The following PXDNL variants were observed in gnomAD, a reference collection of about 807,000 sequenced individuals.
The protein encoded by PXDNL is peroxidasin like, also known as probable oxidoreductase PXDNL.
Under a neutral mutation model 150.8 loss-of-function variants are expected in PXDNL, and 145 were observed. That is an observed-to-expected ratio of 0.96 (90% CI 0.84 to 1.10). PXDNL has a LOEUF of 1.10. Ranked by LOEUF, PXDNL falls within the 50% of genes least tolerant of loss-of-function variation. PXDNL has a pLI of 0.00. For missense variants in PXDNL, 2,087 were observed against 1,873.9 expected (o/e 1.11, Z -2.10); for synonymous variants, 757 against 725.7 (o/e 1.04, Z -0.69).
At chr8:51,416,350 T>C (rs1295617199) in intron 14 of PXDNL, among the ~76,000 whole-genome samples, 1 of 152,220 alleles carries the variant, frequency 6.6e-6, no homozygotes, top group Non-Finnish European at 1.5e-5. Context: ...GAAACCATCA[T>C]TTAATATGTG....
chr8:51,675,925 A>G lies in PXDNL; in HGVS notation c.165-21165T>C, dbSNP rs554601379. Among the ~76,000 whole-genome samples the G allele has an allele frequency of 7.2e-5, 11 of 152,302 alleles. No individual in the cohort carries two copies. The South Asian group carries it at 2.3e-3, about 32-fold the overall frequency. Reference sequence around the variant, plus strand: ...TCAATATAGAAAGCAGACTTTCTAAAAGTCACGTATATAGATTCATAACCC... The same window carrying G: ...TCAATATAGAAAGCAGACTTTCTAAGAGTCACGTATATAGATTCATAACCC... On this transcript the variant is annotated intron_variant, in intron 1 of 22. Transcript: ENST00000356297.
chr8:51,382,392 C>T (rs1449045723), intron 17 of PXDNL, among the ~76,000 whole-genome samples: 3 of 152,114 alleles, frequency 2.0e-5, no homozygotes, highest in South Asian at 4.1e-4. Flanking sequence ...TGTCTTAAGC[C>T]ACCCAGTGTG....
chr8:51,728,691 A>G (rs4549760), intron 1 of PXDNL, among the ~76,000 whole-genome samples: 148,049 of 152,290 alleles, frequency 0.97, 72,098 homozygotes, highest in East Asian at 1. Flanking sequence ...TTTAAGCTGA[A>G]TGTTATTATA....
intron 21 of PXDNL, among the ~76,000 whole-genome samples, chr8:51,330,588 G>A (rs955824945): frequency 1.3e-5 from 2 of 152,102 alleles, no homozygotes; most frequent in African/African-American, 4.8e-5. Flanking sequence ...GTGCCAGCAG[G>A]GTTGATTTCT....
At chr8:51,696,428 C>G (rs911205617) in intron 1 of PXDNL, among the ~76,000 whole-genome samples, 3 of 152,312 alleles carry the variant, frequency 2.0e-5, no homozygotes, top group African/African-American at 7.2e-5. Flanking sequence ...AAACTCCCAG[C>G]CTCCAGAACG....
intron 1 of PXDNL, among the ~76,000 whole-genome samples, chr8:51,673,459 ATATACT>A (rs956287599): frequency 2.6e-5 from 4 of 152,202 alleles, no homozygotes; most frequent in East Asian, 1.9e-4. Flanking sequence ...ACAATAAAAA[ATATACT>A]TATAGGCTTC....
chr8:51,680,660 G>A (rs1313295454), intron 1 of PXDNL, among the ~76,000 whole-genome samples: 2 of 152,126 alleles, frequency 1.3e-5, no homozygotes, highest in South Asian at 4.1e-4. Flanking sequence ...ACGGAGGTGC[G>A]AGGCCACAGC....
chr8:51,615,203 C>T (rs1048442474), intron 2 of PXDNL, among the ~76,000 whole-genome samples: 2 of 152,046 alleles, frequency 1.3e-5, no homozygotes, highest in African/African-American at 2.4e-5. Flanking sequence ...CAAACCTATT[C>T]CTTCTTACTG....
At chr8:51,637,549 T>G (rs1289135256) in intron 2 of PXDNL, among the ~76,000 whole-genome samples, 1 of 152,012 alleles carries the variant, frequency 6.6e-6, no homozygotes, top group South Asian at 2.1e-4. Context: ...AACTACATAA[T>G]GAATGCACAA....
intron 19 of PXDNL, among the ~76,000 whole-genome samples, chr8:51,361,960 A>AAAAAAAAG (rs1563374211): frequency 9.4e-5 from 14 of 148,998 alleles, no homozygotes; most frequent in African/African-American, 3.5e-4. Context: ...AAAAAAAAAA[A>AAAAAAAAG]AAAAAGAAAA....
At chr8:51,525,356 G>A (rs1010292155) in intron 4 of PXDNL, among the ~76,000 whole-genome samples, 1 of 152,108 alleles carries the variant, frequency 6.6e-6, no homozygotes. Context: ...AAATTCAAAC[G>A]ATACAGAAAA....
At chr8:51,637,611 A>G (rs1814634675) in intron 2 of PXDNL, among the ~76,000 whole-genome samples, 1 of 152,218 alleles carries the variant, frequency 6.6e-6, no homozygotes, top group African/African-American at 2.4e-5. Flanking sequence ...GTGATGGAAG[A>G]CCAAATGAAT....
chr8:51,539,741 T>C (rs1348228964), intron 4 of PXDNL, among the ~76,000 whole-genome samples: 1 of 152,234 alleles, frequency 6.6e-6, no homozygotes, highest in African/African-American at 2.4e-5. Context: ...AATTTACTAA[T>C]ATAAAACTCT....
At chr8:51,537,031 G>C (rs1342200505) in intron 4 of PXDNL, among the ~76,000 whole-genome samples, 4 of 152,180 alleles carry the variant, frequency 2.6e-5, no homozygotes, top group Non-Finnish European at 5.9e-5. Context: ...TAAAATACTG[G>C]TGATGATTGT....
intron 1 of PXDNL, among the ~76,000 whole-genome samples, chr8:51,699,532 G>A (rs571987071): frequency 2.0e-5 from 3 of 152,244 alleles, no homozygotes; most frequent in South Asian, 4.1e-4. Flanking sequence ...AGGCTGTTTC[G>A]CTTATTCATG....
At chr8:51,587,825 T>C (rs868470642) in intron 3 of PXDNL, among the ~76,000 whole-genome samples, 2 of 152,186 alleles carry the variant, frequency 1.3e-5, no homozygotes, top group African/African-American at 2.4e-5. Flanking sequence ...TCAACAAATA[T>C]TTAATGAGTA....
At chr8:51,404,260 G>C (rs938214488) in intron 17 of PXDNL, among the ~76,000 whole-genome samples, 1 of 152,234 alleles carries the variant, frequency 6.6e-6, no homozygotes, top group Non-Finnish European at 1.5e-5. Context: ...GCCACTGTTG[G>C]CTCAGGCAGC....
chr8:51,421,497 C>T (rs1365256832), intron 14 of PXDNL, among the ~76,000 whole-genome samples: 1 of 152,106 alleles, frequency 6.6e-6, no homozygotes, highest in African/African-American at 2.4e-5. Context: ...GTCAGGAGTT[C>T]AAGACAGGCC....
chr8:51,574,254 A>C (rs960675624), intron 3 of PXDNL, among the ~76,000 whole-genome samples: 1 of 152,158 alleles, frequency 6.6e-6, no homozygotes, highest in South Asian at 2.1e-4. Context: ...GAACTGAAAA[A>C]TACTTATCTA....
Sources: gnomAD v4.1 joint callset for allele counts (sites outside exome capture counted in the v4.1 genomes callset) on GRCh38, gnomAD v4.1.1 for gene constraint, MANE v1.5 for transcripts, NCBI Gene and HGNC (gene_info 2026-07-23, HGNC 2026-07-21) for gene names.